Variants in CMTM6 observed in about 807,000 individuals in gnomAD.
CMTM6 encodes CKLF like MARVEL transmembrane domain containing 6.
Under a neutral mutation model 13.6 loss-of-function variants are expected in CMTM6, and 5 were observed. The ratio of observed to expected loss-of-function variants is 0.37; its 90% CI spans 0.19 to 0.77. CMTM6 has a LOEUF of 0.77. CMTM6 is among the 30% of genes least tolerant of loss of function. The probability of loss-of-function intolerance (pLI) is 0.50; values close to 1 mark genes in which losing one functional copy is unlikely to be tolerated. For missense variants in CMTM6, 196 were observed against 218.6 expected (o/e 0.90, Z 0.65); for synonymous variants, 99 against 84.5 (o/e 1.17, Z -0.94).
At chr3:32,487,194 C>A (rs903507876) in intron 3 of CMTM6, among the ~76,000 whole-genome samples, 1 of 152,060 alleles carries the variant, frequency 6.6e-6, no homozygotes, top group African/African-American at 2.4e-5. Flanking sequence ...AATTCTCAGA[C>A]ATACAAGTTT....
At chr3:32,502,140 G>A (rs149725853) in intron 1 of CMTM6, among the ~76,000 whole-genome samples, 42 of 152,322 alleles carry the variant, frequency 2.8e-4, no homozygotes, top group African/African-American at 9.6e-4. Flanking sequence ...GCCACGCGTG[G>A]TATCGCAGGA....
chr3:32,484,098 C>A lies in CMTM6; in HGVS notation c.415-1G>T. ...TAAAACTTGCTATAAATCCAAACACCTGAGGAAAAAAAGGAGGAAAGGTTA... is the reference window on the plus strand; with the variant it reads ...TAAAACTTGCTATAAATCCAAACACATGAGGAAAAAAAGGAGGAAAGGTTA... On this transcript the variant is annotated splice_acceptor_variant, in intron 3 of 3. Transcript: ENST00000205636. LOFTEE classifies it high-confidence loss of function. 1 of 1,573,870 alleles carries A rather than the reference C, an allele frequency of 6.4e-7. No homozygotes were observed. Among genetic ancestry groups the A allele is most frequent in the Non-Finnish European group, 8.6e-7 (1 of 1,164,528 alleles).
chr3:32,502,707 C>G lies in CMTM6; in HGVS notation c.39G>C (p.Glu13Asp), dbSNP rs779344571. ...GGGGGCCTCTGGCGGGGCCCGGGTC[C>G]TCCTCCGTAGTGGGGCTGTACACCG... The part of the protein sequence containing the change: ...NGAVYSPTTE[E>D]DPGPARGPRS... The change falls in exon 1 of 4, where the codon GAG becomes GAC. Residue 13 changes from glutamate to aspartate, a missense_variant. Glu to Asp is a conservative substitution (Grantham distance 45). Transcript: ENST00000205636. 1 of 1,582,054 alleles carries G rather than the reference C, an allele frequency of 6.3e-7. No individual in the cohort carries two copies. The highest frequency in any genetic ancestry group is 2.3e-5 in the East Asian group (1 of 43,100).
intron 3 of CMTM6, among the ~76,000 whole-genome samples, chr3:32,487,015 TTCTTTA>T (rs1372912425): frequency 5.9e-5 from 9 of 152,218 alleles, no homozygotes; most frequent in African/African-American, 2.2e-4. Context: ...TAAACCTCTT[TTCTTTA>T]TAAGTTACCC....
chr3:32,487,375 G>C (rs1311630641), intron 3 of CMTM6, among the ~76,000 whole-genome samples: 1 of 150,326 alleles, frequency 6.7e-6, no homozygotes, highest in Non-Finnish European at 1.5e-5. Flanking sequence ...TCTTCTTATA[G>C]AGATGAGGTC....
chr3:32,489,214 G>A (rs571739543), intron 2 of CMTM6, among the ~76,000 whole-genome samples: 5 of 142,220 alleles, frequency 3.5e-5, no homozygotes. Flanking sequence ...AGGTTGCAGT[G>A]AGCCAAGGTC....
In CMTM6 at chr3:32,497,587, C is replaced by T. The variant is rs574060437; in HGVS notation, c.138+5021G>A. Among the ~76,000 whole-genome samples the T allele has an allele frequency of 8.9e-4, 132 of 149,024 alleles. 1 individual carries two copies. Among genetic ancestry groups the T allele is most frequent in the African/African-American group, 2.7e-3 (110 of 40,598 alleles). ...AAAAAGTGTAAAAGTTGGCCGGGCGCGGTGGCTCACGCCTGTAATCCCAGC... is the reference window on the plus strand; with the variant it reads ...AAAAAGTGTAAAAGTTGGCCGGGCGTGGTGGCTCACGCCTGTAATCCCAGC... On this transcript the variant is annotated intron_variant, in intron 1 of 3. Coordinates refer to ENST00000205636, the MANE Select transcript of CMTM6 (RefSeq NM_017801.3).
chr3:32,496,691 G>C (rs9968049), intron 1 of CMTM6, among the ~76,000 whole-genome samples: 3,168 of 152,278 alleles, frequency 0.021, 121 homozygotes, highest in African/African-American at 0.072. Flanking sequence ...GCCGGAGAAG[G>C]ATGAGTGGAA....
At chr3:32,501,546 T>C (rs1335235606) in intron 1 of CMTM6, among the ~76,000 whole-genome samples, 1 of 152,242 alleles carries the variant, frequency 6.6e-6, no homozygotes, top group Non-Finnish European at 1.5e-5. Context: ...TGTGATCATT[T>C]TGATCGCTAA....
chr3:32,502,513 C>T (rs1390221345), intron 1 of CMTM6, 95 bp downstream of exon 1: 1 of 1,479,290 alleles, frequency 6.8e-7, no homozygotes, highest in Non-Finnish European at 9.0e-7. Context: ...TTTTACTGAA[C>T]AACCAAGCTG....
At chr3:32,497,114 T>C (rs948795292) in intron 1 of CMTM6, among the ~76,000 whole-genome samples, 2 of 152,120 alleles carry the variant, frequency 1.3e-5, no homozygotes, top group Non-Finnish European at 2.9e-5. Context: ...CCGGGCGCGG[T>C]GGCTCACGCC....
At chr3:32,501,190 A>AG in intron 1 of CMTM6, among the ~76,000 whole-genome samples, 1 of 146,226 alleles carries the variant, frequency 6.8e-6, no homozygotes, top group East Asian at 2.0e-4. Flanking sequence ...CTCGGTCTCA[A>AG]AAAAAAAAAA....
chr3:32,502,580 G>A, intron 1 of CMTM6, 28 bp downstream of exon 1: 1 of 1,578,640 alleles, frequency 6.3e-7, no homozygotes, highest in Non-Finnish European at 8.6e-7. Flanking sequence ...CCCCAGCCCG[G>A]GCTCGCCCTC....
At position 32,489,546 on chromosome 3, in the gene CMTM6, G is replaced by C. The variant is rs140326893; in HGVS notation, c.316-1510C>G. On this transcript the variant is annotated intron_variant, in intron 2 of 3. Coordinates refer to ENST00000205636, the MANE Select transcript of CMTM6 (RefSeq NM_017801.3). Reference sequence around the variant, plus strand: ...GGCACCTGTAATCCCAGCTACTTGGGAGGCTGAGGCAGGAGAATCACTTAA... The same window carrying C: ...GGCACCTGTAATCCCAGCTACTTGGCAGGCTGAGGCAGGAGAATCACTTAA... 4.7e-3 allele frequency among the ~76,000 whole-genome samples: 713 copies of C among 151,836 alleles called. 5 individuals are homozygous for C. Among genetic ancestry groups the C allele is most frequent in the African/African-American group, 0.017 (685 of 41,386 alleles).
At chr3:32,501,423 G>C (rs1427457330) in intron 1 of CMTM6, among the ~76,000 whole-genome samples, 1 of 152,128 alleles carries the variant, frequency 6.6e-6, no homozygotes, top group Non-Finnish European at 1.5e-5. Context: ...ATTAAAGGTG[G>C]CCAGTGTGGA....
rs1333324017 is a variant in CMTM6 at position 32,502,646 on chromosome 3, G to C, written c.100C>G (p.Leu34Val). ...GLAAYFFMGRLPLLRRVLKGL... is the reference protein window; with the variant it reads ...GLAAYFFMGRVPLLRRVLKGL... Reference sequence around the variant, plus strand: ...TTGAGAACGCGCCGGAGCAATGGGAGCCGGCCCATGAAAAAGTAGGCAGCG... The same window carrying C: ...TTGAGAACGCGCCGGAGCAATGGGACCCGGCCCATGAAAAAGTAGGCAGCG... The change falls in exon 1 of 4, where the codon CTC becomes GTC. Residue 34 changes from leucine (L) to valine (V), a missense_variant. Physicochemically the swap from Leu to Val is conservative, Grantham distance 32 (BLOSUM62 1). This residue lies in a region of CMTM6 where 85 missense variants were observed against 58.7 expected (regional missense o/e 1.45). Transcript: ENST00000205636. The C allele has an allele frequency of 1.9e-6, 3 of 1,595,672 alleles. No individual in the cohort carries two copies. Among genetic ancestry groups the C allele is most frequent in the Admixed American group, 1.7e-5 (1 of 57,830 alleles).
At chr3:32,497,979 A>C (rs1697310930) in intron 1 of CMTM6, among the ~76,000 whole-genome samples, 1 of 152,226 alleles carries the variant, frequency 6.6e-6, no homozygotes, top group Admixed American at 6.5e-5. Context: ...GAATTAGCTA[A>C]GAAATTCATG....
chr3:32,502,206 G>C lies in CMTM6; in HGVS notation c.138+402C>G, dbSNP rs1449248191. Among the ~76,000 whole-genome samples the C allele has an allele frequency of 2.6e-5, 4 of 152,250 alleles. No homozygotes were observed. The East Asian group carries it at 7.7e-4, about 29-fold the overall frequency. ...GGCTCGCAGCAGGAAAACCGCAAGA[G>C]CCAGAGAAAGATAAACAGCGCTTCA... On this transcript the variant is annotated intron_variant, in intron 1 of 3. Transcript: ENST00000205636.
chr3:32,484,681 G>T (rs1479229439), intron 3 of CMTM6, among the ~76,000 whole-genome samples: 1 of 152,014 alleles, frequency 6.6e-6, no homozygotes, highest in African/African-American at 2.4e-5. Context: ...ACGATCATAC[G>T]TTCTGAGAAT....
Sources: gnomAD v4.1 joint callset for allele counts (sites outside exome capture counted in the v4.1 genomes callset) on GRCh38, gnomAD v4.1.1 for gene constraint, gnomAD v4.1.1 regional missense constraint, MANE v1.5 for transcripts, NCBI Gene and HGNC (gene_info 2026-07-23, HGNC 2026-07-21) for gene names.